NUP160: variants seen among roughly 807,000 people sequenced by gnomAD.
NUP160 encodes nucleoporin 160.
NUP160 carries 94 observed loss-of-function variants against 196.9 expected under a neutral mutation model. The observed-to-expected ratio is 0.48, with a 90% CI of 0.40 to 0.57. The LOEUF (loss-of-function observed/expected upper bound fraction) is 0.57. Ranked by LOEUF, NUP160 falls within the 20% of genes least tolerant of loss-of-function variation. The pLI is 0.00. For missense variants in NUP160, 1,638 were observed against 1,748.3 expected (o/e 0.94, Z 1.13); for synonymous variants, 605 against 619.7 (o/e 0.98, Z 0.35).
intron 6 of NUP160, 56 bp from the exon 7 acceptor site, chr11:47,835,865 C>A (rs1424658211): frequency 6.3e-5 from 86 of 1,355,022 alleles, no homozygotes; most frequent in Non-Finnish European, 8.3e-5. Flanking sequence ...GCTAGAAGAA[C>A]ATACCTTTTG....
chr11:47,823,580 G>A (rs1350223828), intron 7 of NUP160, among the ~76,000 whole-genome samples: 1 of 152,010 alleles, frequency 6.6e-6, no homozygotes, highest in African/African-American at 2.4e-5. Context: ...TATCGCCCAG[G>A]CTGGAGTGCA....
chr11:47,781,340 G>A (rs2097660714), intron 34 of NUP160, among the ~76,000 whole-genome samples: 1 of 151,222 alleles, frequency 6.6e-6, no homozygotes, highest in African/African-American at 2.4e-5. Context: ...ATAGCTCACT[G>A]TACCCTCAAC....
At chr11:47,813,129 TA>T in intron 14 of NUP160, 82 bp from the exon 15 acceptor site, 2 of 1,107,470 alleles carry the variant, frequency 1.8e-6, no homozygotes, top group Non-Finnish European at 2.6e-6. Flanking sequence ...TGTTAATAAT[TA>T]AATGACAAGA....
chr11:47,782,490 A>C (rs2097662008), intron 34 of NUP160, among the ~76,000 whole-genome samples: 1 of 150,882 alleles, frequency 6.6e-6, no homozygotes, highest in Non-Finnish European at 1.5e-5. Context: ...AGCCTAGCCT[A>C]CTTAACCATG....
exon 9 of NUP160, chr11:47,821,772 C>A (rs1167721934): frequency 6.2e-7 from 1 of 1,614,026 alleles, no homozygotes; most frequent in South Asian, 1.1e-5. Context: ...AGCATCATGC[C>A]ACAGGGCCCA....
At chr11:47,848,394 G>C in exon 1 of NUP160, 1 of 1,598,268 alleles carries the variant, frequency 6.3e-7, no homozygotes, top group Non-Finnish European at 8.5e-7. Context: ...GGGGTGGGGC[G>C]GGCGGAGCTG....
chr11:47,826,313 T>G (rs6485787), intron 7 of NUP160, among the ~76,000 whole-genome samples: 1 of 152,192 alleles, frequency 6.6e-6, no homozygotes, highest in Non-Finnish European at 1.5e-5. Context: ...TAAAATACTA[T>G]AAGTTCACTA....
At chr11:47,803,593 C>A (rs1376749724) in intron 21 of NUP160, 57 bp from the exon 22 acceptor site, 2 of 905,122 alleles carry the variant, frequency 2.2e-6, no homozygotes, top group Non-Finnish European at 3.7e-6. Flanking sequence ...TAAGGAGATA[C>A]TCATTCCCAA....
chr11:47,824,053 A>ATG (rs1851920763), intron 7 of NUP160, among the ~76,000 whole-genome samples: 1 of 74,206 alleles, frequency 1.3e-5, no homozygotes, highest in Admixed American at 1.3e-4. Flanking sequence ...ATATATATAT[A>ATG]CACACACACA....
Position 47,792,767 on chromosome 11 carries a change from G to C in NUP160, c.3450+19C>G. 6.3e-7 allele frequency: 1 copy of C among 1,576,334 alleles called. No individual in the cohort carries two copies. The highest frequency in any genetic ancestry group is 2.3e-5 in the East Asian group (1 of 42,798). ...TTCCAGGATGAACCCCCAAATTCCA[G>C]GATGAAATGTTTTCATACCACTGCA... On this transcript the variant is annotated intron_variant, in intron 28 of 35. Transcript: ENST00000378460.
intron 34 of NUP160, among the ~76,000 whole-genome samples, chr11:47,782,307 TATATA>T (rs2097661781): frequency 2.0e-4 from 2 of 9,956 alleles, no homozygotes; most frequent in African/African-American, 9.9e-4. Context: ...AAAAAAAATA[TATATA>T]TATATATATA....
intron 29 of NUP160, among the ~76,000 whole-genome samples, chr11:47,788,828 A>G (rs2097666249): frequency 6.6e-6 from 1 of 151,904 alleles, no homozygotes; most frequent in African/African-American, 2.4e-5. Context: ...ACTGCAGTTG[A>G]GGAGGTGCTT....
intron 8 of NUP160, 66 bp downstream of exon 8, chr11:47,822,021 T>C: frequency 3.5e-6 from 4 of 1,131,616 alleles, no homozygotes; most frequent in Non-Finnish European, 5.3e-6. Context: ...CATTATACCA[T>C]AACAGAGTTA....
chr11:47,790,204 C>T (rs998938034), intron 29 of NUP160, among the ~76,000 whole-genome samples: 1 of 151,976 alleles, frequency 6.6e-6, no homozygotes, highest in African/African-American at 2.4e-5. Context: ...CCTTGGCCTC[C>T]CAATGTGCTG....
upstream of NUP160, chr11:47,848,525 ACT>A: frequency 1.1e-6 from 1 of 907,424 alleles, no homozygotes; most frequent in Admixed American, 2.9e-5. Flanking sequence ...GGGGAGGCAG[ACT>A]CTATCTGCGG....
In NUP160 at chr11:47,798,650, C is replaced by A. The variant is rs183629181; in HGVS notation, c.2896-187G>T. Among the ~76,000 whole-genome samples the A allele has an allele frequency of 9.9e-5, 15 of 151,914 alleles. No homozygotes were observed. In the East Asian group the frequency reaches 2.9e-3, roughly 29 times the overall value. On this transcript the variant is annotated intron_variant, in intron 23 of 35. Coordinates refer to ENST00000378460, the Ensembl canonical transcript of NUP160. Reference sequence around the variant, plus strand: ...GCCAGCCTGGGCAATATGGCAAGACCCCCATCTCTACAAAAAAATTTTTTT... The same window carrying A: ...GCCAGCCTGGGCAATATGGCAAGACACCCATCTCTACAAAAAAATTTTTTT...
At chr11:47,810,591 C>T (rs2097680531) in intron 17 of NUP160, among the ~76,000 whole-genome samples, 1 of 150,592 alleles carries the variant, frequency 6.6e-6, no homozygotes, top group East Asian at 1.9e-4. Context: ...CTGTCACACA[C>T]GCTGGAGTGC....
intron 10 of NUP160, 105 bp from the exon 11 acceptor site, chr11:47,818,229 G>C (rs1165142353): frequency 6.9e-6 from 5 of 725,644 alleles, no homozygotes; most frequent in Admixed American, 2.2e-5. Context: ...TTGCCATTTT[G>C]CCCTTCTATA....
At chr11:47,836,764 C>T (rs892043501) in intron 6 of NUP160, 123 bp downstream of exon 6, 1 of 597,992 alleles carries the variant, frequency 1.7e-6, no homozygotes, top group Non-Finnish European at 3.0e-6. Flanking sequence ...CTGAATCTGG[C>T]AGTGACCAAT....
Sources: gnomAD v4.1 joint callset for allele counts (sites outside exome capture counted in the v4.1 genomes callset) on GRCh38, gnomAD v4.1.1 for gene constraint, MANE v1.5 for transcripts, NCBI Gene and HGNC (gene_info 2026-07-23, HGNC 2026-07-21) for gene names.